Variants in ROBO1 observed in about 807,000 individuals in gnomAD.
ROBO1 encodes roundabout homolog 1.
A neutral mutation model predicts 195.9 loss-of-function variants in ROBO1; 149 were observed. The ratio of observed to expected loss-of-function variants is 0.76; its 90% CI spans 0.67 to 0.87. The LOEUF is 0.87. ROBO1 is among the 40% of genes least tolerant of loss of function. The pLI, the probability that ROBO1 is intolerant of heterozygous loss-of-function variation, is 0.00. For synonymous variants in ROBO1, 816 were observed against 733.2 expected (o/e 1.11, Z -1.82); for missense variants, 1,933 against 2,068.3 (o/e 0.93, Z 1.27).
chr3:78,614,909 G>T, intron 27 of ROBO1, 109 bp from the exon 28 acceptor site: 1 of 1,140,300 alleles, frequency 8.8e-7, no homozygotes, highest in Non-Finnish European at 1.2e-6. Context: ...TAATTTTTCT[G>T]AAAAGCAACA....
intron 2 of ROBO1, among the ~76,000 whole-genome samples, chr3:79,224,729 T>A (rs1249579810): frequency 6.6e-6 from 1 of 152,240 alleles, no homozygotes; most frequent in African/African-American, 2.4e-5. Flanking sequence ...TTAATTTACA[T>A]GTGTATGAAC....
chr3:79,016,146 T>C (rs1316920189), intron 3 of ROBO1, among the ~76,000 whole-genome samples: 1 of 152,270 alleles, frequency 6.6e-6, no homozygotes, highest in East Asian at 1.9e-4. Context: ...CCCAGGTTTC[T>C]AGTCACTTGA....
intron 2 of ROBO1, among the ~76,000 whole-genome samples, chr3:79,573,121 C>T (rs2107754942): frequency 6.6e-6 from 1 of 152,246 alleles, no homozygotes; most frequent in South Asian, 2.1e-4. Context: ...GAGATCATGG[C>T]TCACTGCAGC....
intron 2 of ROBO1, among the ~76,000 whole-genome samples, chr3:79,244,763 T>C (rs1335534021): frequency 6.6e-6 from 1 of 152,132 alleles, no homozygotes; most frequent in Non-Finnish European, 1.5e-5. Flanking sequence ...GTATTCTGTA[T>C]TTGAATAAAA....
chr3:79,432,750 G>A (rs1370548107), intron 2 of ROBO1, among the ~76,000 whole-genome samples: 1 of 152,010 alleles, frequency 6.6e-6, no homozygotes, highest in African/African-American at 2.4e-5. Flanking sequence ...GCTGCTTACT[G>A]AATCATGCTG....
At position 78,740,065 on chromosome 3, in the gene ROBO1, T is replaced by C. The variant is rs1163429705; in HGVS notation, c.657+6678A>G. 3.9e-5 allele frequency among the ~76,000 whole-genome samples: 6 copies of C among 152,290 alleles called. No individual in the cohort carries two copies. In the South Asian group the frequency reaches 6.2e-4, roughly 16 times the overall value. ...AATTTTTAGTATGTAACTGACAAGA[T>C]TGTTGGCAGGATTAAATGGGTGAAT... On this transcript the variant is annotated intron_variant, in intron 5 of 30. Transcript: ENST00000464233.
chr3:79,528,742 T>G (rs1326287853), intron 2 of ROBO1, among the ~76,000 whole-genome samples: 1 of 152,162 alleles, frequency 6.6e-6, no homozygotes, highest in Non-Finnish European at 1.5e-5. Flanking sequence ...TTAAAACCTG[T>G]TAAAAGTAAG....
intron 3 of ROBO1, among the ~76,000 whole-genome samples, chr3:79,055,328 G>A (rs1342088635): frequency 6.6e-6 from 1 of 152,060 alleles, no homozygotes; most frequent in African/African-American, 2.4e-5. Flanking sequence ...GTGGTGAAAA[G>A]GCCACTTATT....
intron 1 of ROBO1, among the ~76,000 whole-genome samples, chr3:79,746,174 A>AT (rs1703868384): frequency 6.6e-6 from 1 of 151,812 alleles, no homozygotes; most frequent in Non-Finnish European, 1.5e-5. Flanking sequence ...TTTCAATTCC[A>AT]TTTTTTCCAT....
At chr3:79,750,924 A>G (rs887402334) in intron 1 of ROBO1, among the ~76,000 whole-genome samples, 2 of 152,226 alleles carry the variant, frequency 1.3e-5, no homozygotes, top group Admixed American at 1.3e-4. Context: ...CAGAAGAAAA[A>G]TGTGGCTAAA....
chr3:79,133,506 A>C, intron 2 of ROBO1, among the ~76,000 whole-genome samples: 1 of 99,576 alleles, frequency 1.0e-5, no homozygotes, highest in Non-Finnish European at 2.0e-5. Flanking sequence ...TTCTTCACAT[A>C]GTTCTCGAGC....
chr3:78,661,341 A>G (rs1246885039), intron 15 of ROBO1, 80 bp from the exon 16 acceptor site: 1 of 847,448 alleles, frequency 1.2e-6, no homozygotes, highest in South Asian at 3.3e-5. Context: ...TAAACGTTAT[A>G]AAATGCACAA....
At chr3:79,535,515 C>A (rs1941823916) in intron 2 of ROBO1, among the ~76,000 whole-genome samples, 1 of 152,104 alleles carries the variant, frequency 6.6e-6, no homozygotes, top group Non-Finnish European at 1.5e-5. Flanking sequence ...ATGATCCACT[C>A]CTTTCTTGGT....
At position 78,789,105 on chromosome 3, in the gene ROBO1, C is replaced by G. The variant is rs767214813; in HGVS notation, c.500-42205G>C. Among the ~76,000 whole-genome samples the G allele has an allele frequency of 5.6e-4, 85 of 152,128 alleles. 1 individual carries two copies. Among genetic ancestry groups the G allele is most frequent in the Non-Finnish European group, 1.2e-3 (79 of 67,996 alleles). On this transcript the variant is annotated intron_variant, in intron 4 of 30. Coordinates refer to ENST00000464233, the MANE Select transcript of ROBO1 (RefSeq NM_002941.4). ...GTAAGTCTGAATACAGCGCTAAAAT[C>G]TATTTCTCATAAGTGTAGACTGATC... is the stretch of plus-strand genomic sequence containing the variant.
chr3:79,409,315 C>A (rs1278709941), intron 2 of ROBO1, among the ~76,000 whole-genome samples: 1 of 152,000 alleles, frequency 6.6e-6, no homozygotes, highest in Admixed American at 6.6e-5. Flanking sequence ...AATATACATT[C>A]CCATAGCATT....
intron 2 of ROBO1, among the ~76,000 whole-genome samples, chr3:79,145,571 G>GTAAGC (rs1474860220): frequency 2.6e-5 from 4 of 151,888 alleles, no homozygotes; most frequent in Non-Finnish European, 4.4e-5. Context: ...CAAACCTTAT[G>GTAAGC]TAAGCTAAAA....
chr3:78,818,925 ACCTT>A (rs1297085366), intron 4 of ROBO1, among the ~76,000 whole-genome samples: 29 of 152,216 alleles, frequency 1.9e-4, no homozygotes, highest in Admixed American at 3.3e-4. Context: ...TAATTGTTCT[ACCTT>A]ATTATTAGTT....
intron 3 of ROBO1, among the ~76,000 whole-genome samples, chr3:79,081,611 T>C (rs2108463634): frequency 6.6e-6 from 1 of 152,318 alleles, no homozygotes; most frequent in South Asian, 2.1e-4. Context: ...CAACTTTCTT[T>C]GGGGCTTTCC....
rs181753509 is a variant in ROBO1, at chr3:78,621,198, G to C, written c.3876-3157C>G. ...TAAAATAGATAATTGTTTCAATATG[G>C]AGTGTTATACACATAGGAGGAAAAC... On this transcript the variant is annotated intron_variant, in intron 26 of 30. Transcript: ENST00000464233. Among the ~76,000 whole-genome samples, 476 of 152,044 alleles carry C rather than the reference G, an allele frequency of 3.1e-3. 4 individuals carry two copies. The highest frequency in any genetic ancestry group is 0.01 in the African/African-American group (415 of 41,470).
Sources: gnomAD v4.1 joint callset for allele counts (sites outside exome capture counted in the v4.1 genomes callset) on GRCh38, gnomAD v4.1.1 for gene constraint, MANE v1.5 for transcripts, NCBI Gene and HGNC (gene_info 2026-07-23, HGNC 2026-07-21) for gene names.